Variants in FAM151B observed in about 807,000 individuals in gnomAD.
FAM151B encodes protein FAM151B.
Under a neutral mutation model 31.2 loss-of-function variants are expected in FAM151B, and 24 were observed. The ratio of observed to expected loss-of-function variants is 0.77; its 90% confidence interval spans 0.56 to 1.08. The LOEUF is 1.08. FAM151B is among the 50% of genes least tolerant of loss of function. The pLI is 0.00. For synonymous variants in FAM151B, 105 were observed against 111.4 expected, an observed-to-expected ratio of 0.94 and a Z score of 0.36; for missense variants, 293 against 328.6, an observed-to-expected ratio of 0.89 and a Z score of 0.84.
intron 5 of FAM151B, among the ~76,000 whole-genome samples, chr5:80,523,557 G>A (rs1164578628): frequency 6.6e-6 from 1 of 152,096 alleles, no homozygotes; most frequent in African/African-American, 2.4e-5. Context: ...ATTAATAAAA[G>A]ACTTGAAACA....
intron 2 of FAM151B, chr5:80,505,923 A>AT: frequency 5.4e-6 from 1 of 185,286 alleles, no homozygotes; most frequent in Non-Finnish European, 1.1e-5. Context: ...CACCCGGCTA[A>AT]TTTTTTGTAT....
chr5:80,524,677 T>C (rs1049377332), intron 5 of FAM151B, among the ~76,000 whole-genome samples: 8 of 152,162 alleles, frequency 5.3e-5, no homozygotes, highest in Non-Finnish European at 1.2e-4. Context: ...CACTGAAATA[T>C]TTATGTAGAC....
Position 80,532,591 on chromosome 5 carries a change from T to A in FAM151B, c.672-9082T>A, listed in dbSNP as rs947221283. Among the ~76,000 whole-genome samples the A allele has an allele frequency of 2.0e-5, 3 of 152,206 alleles. No individual in the cohort carries two copies. In the South Asian group the frequency reaches 6.2e-4, roughly 32 times the overall value. ...CCCCACTTTCAACATTGGACAGATCTTCCAGATAGAAAATCAGTAAAGAAA... is the reference window on the plus strand; with the variant it reads ...CCCCACTTTCAACATTGGACAGATCATCCAGATAGAAAATCAGTAAAGAAA... On this transcript the variant is annotated intron_variant, in intron 5 of 5. Coordinates refer to ENST00000282226, the MANE Select transcript of FAM151B (RefSeq NM_205548.3).
At chr5:80,526,537 T>G (rs1176536693) in intron 5 of FAM151B, among the ~76,000 whole-genome samples, 1 of 152,004 alleles carries the variant, frequency 6.6e-6, no homozygotes, top group East Asian at 1.9e-4. Flanking sequence ...GGGGAATCGC[T>G]TGAATTTGGG....
intron 5 of FAM151B, among the ~76,000 whole-genome samples, chr5:80,533,998 G>C (rs1745374741): frequency 6.6e-6 from 1 of 151,978 alleles, no homozygotes; most frequent in Non-Finnish European, 1.5e-5. Flanking sequence ...CAATAAACTG[G>C]AAAATCTAGA....
At chr5:80,517,254 A>C (rs1319329385) in intron 3 of FAM151B, among the ~76,000 whole-genome samples, 3 of 152,192 alleles carry the variant, frequency 2.0e-5, no homozygotes, top group Admixed American at 1.3e-4. Flanking sequence ...CTAATTTATA[A>C]ATTACACTTT....
At chr5:80,509,094 C>T (rs114451652) in intron 2 of FAM151B, among the ~76,000 whole-genome samples, 2,974 of 152,212 alleles carry the variant, frequency 0.02, 54 homozygotes, top group South Asian at 0.038. Context: ...CCTCCTCAGC[C>T]TTCTAAGTAG....
chr5:80,506,102 A>T (rs1246626579), intron 2 of FAM151B: 6 of 985,502 alleles, frequency 6.1e-6, no homozygotes, highest in Non-Finnish European at 6.0e-6. Context: ...CCATACAAGC[A>T]TATGGAAACT....
intron 4 of FAM151B, among the ~76,000 whole-genome samples, chr5:80,521,478 A>C (rs964390098): frequency 5.3e-5 from 8 of 152,112 alleles, no homozygotes; most frequent in African/African-American, 1.9e-4. Context: ...ATATATAGTC[A>C]ATTTTACCAC....
rs779631746 is a variant in FAM151B, at chr5:80,496,589, C to T, written c.26-5203C>T. ...GTCAAAACCTATAAAATGTATGATA[C>T]CAAGAGTGAATTCTAATGTAAACTA... On this transcript the variant is annotated intron_variant, in intron 1 of 5. Coordinates refer to ENST00000282226, the MANE Select transcript of FAM151B (RefSeq NM_205548.3). Among the ~76,000 whole-genome samples the T allele has an allele frequency of 2.5e-4, 38 of 152,034 alleles. No homozygotes were observed. In the South Asian group the frequency reaches 2.7e-3, roughly 11 times the overall value.
intron 4 of FAM151B, 84 bp from the exon 5 acceptor site, chr5:80,521,919 C>G (rs992010876): frequency 3.1e-6 from 3 of 964,152 alleles, no homozygotes; most frequent in African/African-American, 3.3e-5. Flanking sequence ...ATGGTTTTAC[C>G]TAATTATAGG....
chr5:80,491,737 G>A (rs577386488), intron 1 of FAM151B, among the ~76,000 whole-genome samples: 1 of 152,000 alleles, frequency 6.6e-6, no homozygotes, highest in African/African-American at 2.4e-5. Flanking sequence ...TTTTCTTTCC[G>A]TACCTGGCTT....
At position 80,519,752 on chromosome 5, in the gene FAM151B, G is replaced by T. The variant is rs146970475; in HGVS notation, c.377G>T (p.Arg126Leu). 6.2e-7 allele frequency: 1 copy of T among 1,613,992 alleles called. No individual in the cohort carries two copies. Among genetic ancestry groups the T allele is most frequent in the Non-Finnish European group, 8.5e-7 (1 of 1,180,028 alleles). ...GAAAATGTGAAGAGGCATCTGAAGC[G>T]TCCTGTATGGATTAATGCCGATATT... is the stretch of plus-strand genomic sequence containing the variant. ...LLENVKRHLK[R>L]PVWINADILP... The change falls in exon 4 of 6, where the codon CGT (arginine) becomes CTT (leucine). Residue 126 changes from arginine (R) to leucine (L), a missense_variant. By Grantham distance (102) the Arg-to-Leu change is moderately radical. Transcript: ENST00000282226.
intron 1 of FAM151B, among the ~76,000 whole-genome samples, chr5:80,497,601 C>T (rs1441261314): frequency 6.6e-6 from 1 of 151,926 alleles, no homozygotes; most frequent in Non-Finnish European, 1.5e-5. Context: ...ACAGTCGTGG[C>T]TTAAATACAA....
intron 5 of FAM151B, among the ~76,000 whole-genome samples, chr5:80,540,046 A>C (rs1418936533): frequency 6.6e-6 from 1 of 152,192 alleles, no homozygotes; most frequent in Non-Finnish European, 1.5e-5. Flanking sequence ...ACTGCCATGC[A>C]GCCTCCCAGT....
Position 80,542,166 on chromosome 5 carries a change from C to T in FAM151B, c.*334C>T, listed in dbSNP as rs924645820. The T allele has an allele frequency of 6.9e-5, 13 of 189,206 alleles. No individual in the cohort carries two copies. Among genetic ancestry groups the T allele is most frequent in the Non-Finnish European group, 8.6e-5 (8 of 93,516 alleles). 11.7% of individuals were successfully genotyped at this position (189,206 alleles called of 1,614,324 possible). On this transcript the variant is annotated 3_prime_UTR_variant, in exon 6 of 6. Transcript: ENST00000282226. The stretch of plus-strand genomic sequence containing the variant: ...ATAAAACAGGTATAAATCACATGTG[C>T]TTGGCACTTGCATTACAGAGATTAT...
chr5:80,522,889 T>G (rs921476050), intron 5 of FAM151B, among the ~76,000 whole-genome samples: 1 of 152,184 alleles, frequency 6.6e-6, no homozygotes, highest in African/African-American at 2.4e-5. Flanking sequence ...ATTTTATTTT[T>G]TTTTCTTTTA....
chr5:80,502,252 G>T (rs544528188), intron 2 of FAM151B, among the ~76,000 whole-genome samples: 1 of 152,052 alleles, frequency 6.6e-6, no homozygotes, highest in South Asian at 2.1e-4. Context: ...TGGACAAATT[G>T]CATAATGAAA....
intron 5 of FAM151B, among the ~76,000 whole-genome samples, chr5:80,538,778 T>C (rs888050464): frequency 1.3e-5 from 2 of 151,672 alleles, no homozygotes; most frequent in Non-Finnish European, 2.9e-5. Flanking sequence ...TTTTTATCTT[T>C]AGTGGAGACG....
Sources: gnomAD v4.1 joint callset for allele counts (sites outside exome capture counted in the v4.1 genomes callset) on GRCh38, gnomAD v4.1.1 for gene constraint, MANE v1.5 for transcripts, NCBI Gene and HGNC (gene_info 2026-07-23, HGNC 2026-07-21) for gene names.